Variants in SPMAP2L observed in about 807,000 individuals in gnomAD.
The protein encoded by SPMAP2L is sperm microtubule associated protein 2 like.
the SPMAP2L span, among the ~76,000 whole-genome samples, chr4:56,576,345 G>T: frequency 6.6e-6 from 1 of 152,212 alleles, no homozygotes; most frequent in Non-Finnish European, 1.5e-5. Flanking sequence ...GGTGACAGCT[G>T]TGTTAAAATA....
the SPMAP2L span, among the ~76,000 whole-genome samples, chr4:56,620,550 T>C: frequency 2.0e-5 from 3 of 152,156 alleles, no homozygotes; most frequent in African/African-American, 7.2e-5. Context: ...CATGTCCAGC[T>C]AATTTTGTGT....
the SPMAP2L span, among the ~76,000 whole-genome samples, chr4:56,579,931 G>A: frequency 2.0e-5 from 3 of 152,154 alleles, no homozygotes; most frequent in Non-Finnish European, 2.9e-5. Flanking sequence ...TGAAGCGATT[G>A]AATTAATAAA....
the SPMAP2L span, among the ~76,000 whole-genome samples, chr4:56,576,014 A>G: frequency 6.6e-6 from 1 of 152,168 alleles, no homozygotes; most frequent in Non-Finnish European, 1.5e-5. Context: ...CCTTGTCTTT[A>G]TAAGACCACT....
the SPMAP2L span, among the ~76,000 whole-genome samples, chr4:56,595,849 C>T: frequency 6.6e-6 from 1 of 152,222 alleles, no homozygotes; most frequent in East Asian, 1.9e-4. Flanking sequence ...TCTCTGTAAT[C>T]TCTGTCGAGG....
At chr4:56,616,441 T>A in the SPMAP2L span, among the ~76,000 whole-genome samples, 11 of 152,194 alleles carry the variant, frequency 7.2e-5, no homozygotes, top group Admixed American at 3.9e-4. Flanking sequence ...ACAAGTCAGC[T>A]CCTAAGAGGC....
chr4:56,536,593 G>A, the SPMAP2L span, among the ~76,000 whole-genome samples: 1 of 152,168 alleles, frequency 6.6e-6, no homozygotes, highest in South Asian at 2.1e-4. Context: ...TTGAATGAAA[G>A]ATCTCTTCAT....
chr4:56,582,058 A>C, the SPMAP2L span, among the ~76,000 whole-genome samples: 13 of 152,338 alleles, frequency 8.5e-5, no homozygotes, highest in African/African-American at 2.9e-4. Flanking sequence ...TAAAACTATA[A>C]AACTCATAGA....
At chr4:56,568,032 A>G in the SPMAP2L span, among the ~76,000 whole-genome samples, 2 of 151,502 alleles carry the variant, frequency 1.3e-5, no homozygotes, top group Non-Finnish European at 2.9e-5. Flanking sequence ...TCTGTGTTTT[A>G]TTTCTCTCTA....
the SPMAP2L span, among the ~76,000 whole-genome samples, chr4:56,616,129 C>T: frequency 6.6e-6 from 1 of 152,220 alleles, no homozygotes; most frequent in East Asian, 1.9e-4. Context: ...GTGGCTTAAA[C>T]AACAGACATT....
chr4:56,624,810 G>A, the SPMAP2L span, among the ~76,000 whole-genome samples: 14 of 152,170 alleles, frequency 9.2e-5, no homozygotes, highest in African/African-American at 2.2e-4. Flanking sequence ...GCTGCAGGGC[G>A]GGGCCCTCAT....
chr4:56,567,760 T>C, the SPMAP2L span, among the ~76,000 whole-genome samples: 1 of 152,166 alleles, frequency 6.6e-6, no homozygotes, highest in Admixed American at 6.5e-5. Flanking sequence ...TTGACTGTTA[T>C]TTTGCTTTAA....
At chr4:56,600,063 T>G in the SPMAP2L span, among the ~76,000 whole-genome samples, 1 of 151,230 alleles carries the variant, frequency 6.6e-6, no homozygotes, top group Admixed American at 6.6e-5. Context: ...TTGGTGGGAA[T>G]GTAAACCAGC....
the SPMAP2L span, among the ~76,000 whole-genome samples, chr4:56,590,467 G>A: frequency 1.3e-5 from 2 of 152,260 alleles, no homozygotes; most frequent in East Asian, 1.9e-4. Flanking sequence ...AGTTTCAAAT[G>A]GTACTTTTTG....
the SPMAP2L span, chr4:56,595,475 C>A: frequency 2.5e-6 from 4 of 1,597,630 alleles, no homozygotes; most frequent in African/African-American, 5.4e-5. Flanking sequence ...CGCATCGACC[C>A]CAGGGTCAAT....
At chr4:56,536,453 G>T in the SPMAP2L span, among the ~76,000 whole-genome samples, 1 of 152,158 alleles carries the variant, frequency 6.6e-6, no homozygotes, top group Non-Finnish European at 1.5e-5. Context: ...TTTTCTTTGA[G>T]ACACTTATGG....
At chr4:56,571,385 T>G in the SPMAP2L span, among the ~76,000 whole-genome samples, 2 of 150,858 alleles carry the variant, frequency 1.3e-5, no homozygotes, top group Non-Finnish European at 2.9e-5. Flanking sequence ...CATACTCAGC[T>G]CACTGTAACC....
chr4:56,612,150 A>C, the SPMAP2L span, among the ~76,000 whole-genome samples: 1 of 152,150 alleles, frequency 6.6e-6, no homozygotes, highest in Non-Finnish European at 1.5e-5. Flanking sequence ...CATAGATTAG[A>C]AGACACCTTT....
the SPMAP2L span, among the ~76,000 whole-genome samples, chr4:56,617,779 G>A: frequency 2.6e-5 from 4 of 152,142 alleles, no homozygotes; most frequent in Admixed American, 2.6e-4. Flanking sequence ...GATCACACGT[G>A]GGCTTGGAGA....
the SPMAP2L span, among the ~76,000 whole-genome samples, chr4:56,571,266 T>C: frequency 6.6e-6 from 1 of 152,022 alleles, no homozygotes; most frequent in Non-Finnish European, 1.5e-5. Context: ...CTCTGCTTGA[T>C]ATATATCCTT....
Sources: gnomAD v4.1 joint callset for allele counts (sites outside exome capture counted in the v4.1 genomes callset) on GRCh38, gnomAD v4.1.1 for gene constraint, MANE v1.5 for transcripts, NCBI Gene and HGNC (gene_info 2026-07-23, HGNC 2026-07-21) for gene names.